The following NAV2 variants were observed in gnomAD, a reference collection of about 807,000 sequenced individuals.
The protein encoded by NAV2 is neuron navigator 2.
In NAV2, 54 loss-of-function variants were observed where a neutral mutation model predicts 223.2. The ratio of observed to expected loss-of-function variants is 0.24; its 90% CI spans 0.19 to 0.30. The LOEUF (loss-of-function observed/expected upper bound fraction) is 0.30. NAV2 is among the 10% of genes least tolerant of loss of function. NAV2 has a pLI of 1.00. For synonymous variants in NAV2, 1,279 were observed against 1,239.3 expected, an observed-to-expected ratio of 1.03 and a Z score of -0.67; for missense variants, 2,806 against 3,147.5, an observed-to-expected ratio of 0.89 and a Z score of 2.60.
At chr11:20,106,140 C>CA (rs1461894834) in intron 35 of NAV2, among the ~76,000 whole-genome samples, 2 of 59,344 alleles carry the variant, frequency 3.4e-5, no homozygotes, top group Non-Finnish European at 6.8e-5. Flanking sequence ...TGTCCTTGTT[C>CA]ATATGTGTGT....
intron 1 of NAV2, among the ~76,000 whole-genome samples, chr11:19,594,293 T>C (rs1178043313): frequency 6.6e-6 from 1 of 152,170 alleles, no homozygotes; most frequent in East Asian, 1.9e-4. Context: ...CTAGAACAGA[T>C]TTCTATCTGT....
intron 1 of NAV2, among the ~76,000 whole-genome samples, chr11:19,498,201 C>A (rs1307597896): frequency 1.3e-5 from 2 of 152,014 alleles, no homozygotes; most frequent in Admixed American, 6.5e-5. Context: ...GAGAAGAGGA[C>A]AACAGATCTA....
At chr11:19,601,788 G>T (rs539219438) in intron 1 of NAV2, among the ~76,000 whole-genome samples, 1 of 152,194 alleles carries the variant, frequency 6.6e-6, no homozygotes, top group African/African-American at 2.4e-5. Context: ...GGATGATTTG[G>T]TTGCAAGGAA....
chr11:19,619,320 T>A (rs920730835), intron 1 of NAV2, among the ~76,000 whole-genome samples: 25 of 152,258 alleles, frequency 1.6e-4, no homozygotes, highest in Non-Finnish European at 2.9e-5. Flanking sequence ...TTCTAGATCC[T>A]TGAGGAATCA....
At chr11:19,479,153 C>A (rs2042207740) in intron 1 of NAV2, among the ~76,000 whole-genome samples, 1 of 152,170 alleles carries the variant, frequency 6.6e-6, no homozygotes, top group South Asian at 2.1e-4. Flanking sequence ...TGAAAGGAAT[C>A]TAAAGAAACT....
chr11:19,441,073 G>A (rs1851382716), intron 1 of NAV2, among the ~76,000 whole-genome samples: 1 of 152,202 alleles, frequency 6.6e-6, no homozygotes, highest in Admixed American at 6.5e-5. Context: ...ACATAAAGGA[G>A]AAAGCCCAGG....
chr11:20,072,026 G>C (rs2059435940), intron 22 of NAV2, among the ~76,000 whole-genome samples: 1 of 152,128 alleles, frequency 6.6e-6, no homozygotes, highest in Non-Finnish European at 1.5e-5. Context: ...CCTATGTCCT[G>C]AATAGTATTG....
chr11:19,892,615 G>A (rs773658261), intron 6 of NAV2, 21 bp downstream of exon 6: 2 of 1,610,724 alleles, frequency 1.2e-6, no homozygotes, highest in South Asian at 2.2e-5. Context: ...TTCTTGAGGA[G>A]CCTTTTTGGT....
At chr11:20,093,056 C>A in intron 28 of NAV2, 43 bp from the exon 29 acceptor site, 1 of 1,381,950 alleles carries the variant, frequency 7.2e-7, no homozygotes, top group Non-Finnish European at 9.9e-7. Flanking sequence ...GCTGGCTTTG[C>A]TGTCCCCATG....
At chr11:19,947,650 C>G (rs7935167) in intron 9 of NAV2, among the ~76,000 whole-genome samples, 152,289 of 152,334 alleles carry the variant, frequency 1, 76,122 homozygotes, top group Non-Finnish European at 1. Flanking sequence ...TGAAGGTGCA[C>G]ACGATAGTCT....
chr11:19,877,471 T>TTTTTTTTTTTTTCTTTTTTCTTTTC (rs2062914171), intron 4 of NAV2, among the ~76,000 whole-genome samples: 1 of 105,436 alleles, frequency 9.5e-6, no homozygotes. Context: ...ATCTTCATTC[T>TTTTTTTTTTTTTCTTTTTTCTTTTC]TTTTTTTTTT....
At chr11:20,074,593 C>A (rs1365173855) in intron 22 of NAV2, among the ~76,000 whole-genome samples, 3 of 152,040 alleles carry the variant, frequency 2.0e-5, no homozygotes, top group Non-Finnish European at 4.4e-5. Context: ...TCTCTAAGGA[C>A]TTGCTTTATG....
chr11:19,987,060 C>A (rs1052129895), intron 11 of NAV2, among the ~76,000 whole-genome samples: 10 of 152,120 alleles, frequency 6.6e-5, no homozygotes, highest in Admixed American at 2.0e-4. Flanking sequence ...TAAAAACTTA[C>A]AACTAGCACA....
chr11:19,652,545 C>T (rs1227724527), intron 1 of NAV2, among the ~76,000 whole-genome samples: 1 of 152,170 alleles, frequency 6.6e-6, no homozygotes, highest in Non-Finnish European at 1.5e-5. Flanking sequence ...TCTTTTCTTC[C>T]CCCCACTCCA....
chr11:19,860,274 C>T (rs2061672163), intron 3 of NAV2, among the ~76,000 whole-genome samples: 3 of 134,150 alleles, frequency 2.2e-5, no homozygotes, highest in African/African-American at 3.0e-5. Context: ...ACTTCTCAGA[C>T]GGGGCGGCTG....
intron 10 of NAV2, among the ~76,000 whole-genome samples, chr11:19,953,858 CGTGTGT>C (rs373382653): frequency 1.4e-4 from 21 of 150,524 alleles, no homozygotes; most frequent in Non-Finnish European, 1.5e-5. Context: ...CACGCGCGCG[CGTGTGT>C]GTGTGTGTGT....
At chr11:19,515,377 G>T (rs1388678829) in intron 1 of NAV2, among the ~76,000 whole-genome samples, 1 of 152,132 alleles carries the variant, frequency 6.6e-6, no homozygotes, top group Non-Finnish European at 1.5e-5. Context: ...CAGCCTCTCT[G>T]TCCTCTACAT....
chr11:19,802,261 G>A (rs542290792), intron 1 of NAV2, among the ~76,000 whole-genome samples: 2 of 152,196 alleles, frequency 1.3e-5, no homozygotes, highest in South Asian at 4.2e-4. Context: ...AACTTGGCAT[G>A]GAGCTTGTGC....
At chr11:19,718,948 G>A (rs2050534011) in intron 1 of NAV2, among the ~76,000 whole-genome samples, 1 of 152,154 alleles carries the variant, frequency 6.6e-6, no homozygotes, top group Non-Finnish European at 1.5e-5. Flanking sequence ...AGGAGTTACG[G>A]CCCAAATTCT....
Sources: allele counts gnomAD v4.1 joint callset (sites outside exome capture counted in the v4.1 genomes callset), GRCh38; gene constraint gnomAD v4.1.1; transcripts MANE v1.5; gene names NCBI Gene and HGNC (gene_info 2026-07-23, HGNC 2026-07-21).